PSEN1: variants seen among roughly 807,000 people sequenced by gnomAD.
PSEN1 encodes presenilin 1.
PSEN1 carries 15 observed loss-of-function variants against 53.5 expected under a neutral mutation model. The ratio of observed to expected loss-of-function variants is 0.28; its 90% CI spans 0.19 to 0.43. The LOEUF is 0.43. Among genes scored for constraint, PSEN1 ranks in the 20% least tolerant of loss-of-function variants. The probability of loss-of-function intolerance (pLI) is 1.00; values close to 1 mark genes in which losing one functional copy is unlikely to be tolerated. For missense variants in PSEN1, 387 were observed against 571.2 expected, an observed-to-expected ratio of 0.68 and a Z score of 3.29; for synonymous variants, 208 against 209.8, an observed-to-expected ratio of 0.99 and a Z score of 0.08.
intron 5 of PSEN1, among the ~76,000 whole-genome samples, chr14:73,178,012 C>T (rs951569155): frequency 4.0e-5 from 6 of 151,880 alleles, no homozygotes; most frequent in African/African-American, 7.3e-5. Flanking sequence ...TCTGCCTTCC[C>T]GGTTCAAGTG....
intron 1 of PSEN1, among the ~76,000 whole-genome samples, chr14:73,139,889 C>A (rs769743835): frequency 2.0e-5 from 3 of 152,150 alleles, no homozygotes; most frequent in Non-Finnish European, 2.9e-5. Flanking sequence ...CTTTTCACAA[C>A]GCCTTGTACG....
At chr14:73,191,852 A>G (rs1252256252) in intron 6 of PSEN1, among the ~76,000 whole-genome samples, 3 of 152,124 alleles carry the variant, frequency 2.0e-5, no homozygotes, top group Non-Finnish European at 4.4e-5. Context: ...TAGCCTGCAT[A>G]TATCTATTTT....
At chr14:73,179,407 A>G (rs956218923) in intron 5 of PSEN1, among the ~76,000 whole-genome samples, 1 of 152,198 alleles carries the variant, frequency 6.6e-6, no homozygotes, top group Non-Finnish European at 1.5e-5. Flanking sequence ...GCCTGAGCTC[A>G]TGAGTTTATG....
At chr14:73,193,696 A>G (rs1898820694) in intron 7 of PSEN1, among the ~76,000 whole-genome samples, 1 of 151,504 alleles carries the variant, frequency 6.6e-6, no homozygotes, top group Non-Finnish European at 1.5e-5. Flanking sequence ...TTGCTGTGTC[A>G]CCCAGGCTGG....
chr14:73,183,305 A>T (rs1172694187), intron 5 of PSEN1, among the ~76,000 whole-genome samples: 4 of 149,604 alleles, frequency 2.7e-5, no homozygotes, highest in African/African-American at 7.4e-5. Flanking sequence ...TTTTTTTTTT[A>T]ATTTATTTTT....
At chr14:73,145,900 A>T (rs887581761) in intron 1 of PSEN1, among the ~76,000 whole-genome samples, 4 of 152,002 alleles carry the variant, frequency 2.6e-5, no homozygotes, top group African/African-American at 9.7e-5. Context: ...TGTGGTCAGG[A>T]GTTTGAGACC....
Position 73,147,914 on chromosome 14 carries a change from T to G in PSEN1, c.-54+38T>G, listed in dbSNP as rs1897115864. ...TTAATGTAATCTATGAAAGTGTTTT[T>G]TATAACAGTATAATTGTAGTGCACA... On this transcript the variant is annotated intron_variant, in intron 2 of 11. Transcript: ENST00000324501. 4 of 859,676 alleles carry G rather than the reference T, an allele frequency of 4.7e-6. No individual in the cohort carries two copies. The South Asian group carries it at 5.7e-5, about 12-fold the overall frequency. 53.3% of individuals were successfully genotyped at this position (859,676 alleles called of 1,614,324 possible). A position where few individuals can be genotyped will look rare whatever the true frequency, so the allele number is the denominator to read the frequency against.
intron 5 of PSEN1, among the ~76,000 whole-genome samples, chr14:73,184,971 C>T (rs1239243672): frequency 1.4e-5 from 2 of 142,046 alleles, no homozygotes; most frequent in African/African-American, 5.3e-5. Context: ...CCAGACGGGG[C>T]GGCGGGGCAG....
At chr14:73,214,323 G>GA (rs1322542852) in intron 10 of PSEN1, among the ~76,000 whole-genome samples, 11 of 152,080 alleles carry the variant, frequency 7.2e-5, no homozygotes, top group African/African-American at 2.4e-4. Context: ...CTGAGATCAG[G>GA]AGTTCGAGAC....
intron 9 of PSEN1, 48 bp downstream of exon 9, chr14:73,206,520 T>G: frequency 7.7e-7 from 1 of 1,300,464 alleles, no homozygotes; most frequent in Non-Finnish European, 1.1e-6. Context: ...GGGTCACTGT[T>G]ATAAGCTAAC....
chr14:73,221,610 C>T lies in PSEN1; in HGVS notation c.*2321C>T, dbSNP rs1391393550. The T allele has an allele frequency of 1.3e-5, 2 of 150,564 alleles. No individual in the cohort carries two copies. Among genetic ancestry groups the T allele is most frequent in the East Asian group, 3.9e-4 (2 of 5,130 alleles). 9.3% of individuals were successfully genotyped at this position (150,564 alleles called of 1,614,324 possible). ...CTTTCCTTTTTTTTTTTTTAAAGGACAGGATTTTGCTGTGTTGCCCAGGCT... is the reference window on the plus strand; with the variant it reads ...CTTTCCTTTTTTTTTTTTTAAAGGATAGGATTTTGCTGTGTTGCCCAGGCT... On this transcript the variant is annotated 3_prime_UTR_variant, in exon 12 of 12. Coordinates refer to ENST00000324501, the MANE Select transcript of PSEN1 (RefSeq NM_000021.4).
chr14:73,143,905 A>C (rs1170111068), intron 1 of PSEN1, among the ~76,000 whole-genome samples: 1 of 143,588 alleles, frequency 7.0e-6, no homozygotes, highest in Non-Finnish European at 1.5e-5. Flanking sequence ...GGGAGGATCG[A>C]CTGAGGCCAG....
chr14:73,205,952 T>G (rs1396772020), intron 8 of PSEN1, among the ~76,000 whole-genome samples: 1 of 152,246 alleles, frequency 6.6e-6, no homozygotes, highest in Admixed American at 6.5e-5. Flanking sequence ...TTATTGAACA[T>G]TCTAAAAATG....
intron 3 of PSEN1, among the ~76,000 whole-genome samples, chr14:73,157,838 T>C (rs778227735): frequency 1.3e-5 from 2 of 151,946 alleles, no homozygotes; most frequent in African/African-American, 2.4e-5. Flanking sequence ...ATGCAAAAAT[T>C]AGCCAGGGGT....
intron 5 of PSEN1, among the ~76,000 whole-genome samples, chr14:73,179,234 A>T (rs1443786860): frequency 6.6e-6 from 1 of 152,128 alleles, no homozygotes; most frequent in Non-Finnish European, 1.5e-5. Flanking sequence ...CAGAGTAAGG[A>T]TTCCCTCCCT....
At chr14:73,203,457 A>G (rs559895662) in intron 8 of PSEN1, among the ~76,000 whole-genome samples, 1 of 152,284 alleles carries the variant, frequency 6.6e-6, no homozygotes, top group East Asian at 1.9e-4. Context: ...AACAGAATGT[A>G]AGAAAACCAC....
chr14:73,212,099 T>TTTTTTGC (rs1899721480), intron 10 of PSEN1, among the ~76,000 whole-genome samples, 157 bp downstream of exon 10: 1 of 58,532 alleles, frequency 1.7e-5, no homozygotes, highest in African/African-American at 1.0e-4. Flanking sequence ...TTTTTTTTTT[T>TTTTTTGC]TTTTTTTTTT....
chr14:73,211,879 G>A lies in PSEN1; in HGVS notation c.1066G>A (p.Glu356Lys). 1 of 1,613,998 alleles carries A rather than the reference G, an allele frequency of 6.2e-7. No individual in the cohort carries two copies. The highest frequency in any genetic ancestry group is 8.5e-7 in the Non-Finnish European group (1 of 1,180,000). The change falls in exon 10 of 12, where the codon GAG (glutamate) becomes AAG (lysine). Residue 356 changes from glutamate (E) to lysine (K), a missense_variant. By Grantham distance (56) the Glu-to-Lys change is moderately conservative. Transcript: ENST00000324501. ...TCTAGGGCCTCATCGCTCTACACCT[G>A]AGTCACGAGCTGCTGTCCAGGAACT... ...SHLGPHRSTP[E>K]SRAAVQELSS...
At chr14:73,197,116 G>A (rs1320650227) in intron 7 of PSEN1, among the ~76,000 whole-genome samples, 4 of 151,960 alleles carry the variant, frequency 2.6e-5, no homozygotes, top group Admixed American at 6.5e-5. Flanking sequence ...GTATTTTTTA[G>A]TAGAGACAGG....
Sources: allele counts gnomAD v4.1 joint callset (sites outside exome capture counted in the v4.1 genomes callset), GRCh38; gene constraint gnomAD v4.1.1; transcripts MANE v1.5; gene names NCBI Gene and HGNC (gene_info 2026-07-23, HGNC 2026-07-21).